Variants in TGFA observed in about 807,000 individuals in gnomAD.
TGFA encodes the protein transforming growth factor alpha, also known as protransforming growth factor alpha.
A neutral mutation model predicts 21.7 loss-of-function variants in TGFA; 12 were observed. The observed-to-expected ratio is 0.55, with a 90% CI of 0.35 to 0.90. The LOEUF is 0.90. Ranked by LOEUF, TGFA falls within the 40% of genes least tolerant of loss-of-function variation. TGFA has a pLI of 0.01. For missense variants in TGFA, 178 were observed against 210.8 expected (o/e 0.84, Z 0.96); for synonymous variants, 79 against 88.1 (o/e 0.90, Z 0.58).
At chr2:70,479,183 G>T (rs953313620) in intron 2 of TGFA, among the ~76,000 whole-genome samples, 87 of 152,226 alleles carry the variant, frequency 5.7e-4, no homozygotes, top group African/African-American at 2.0e-3. Context: ...TTTTTATCTT[G>T]ATATAGCTGT....
chr2:70,454,091 G>C (rs1371427039), intron 4 of TGFA, among the ~76,000 whole-genome samples: 1 of 152,046 alleles, frequency 6.6e-6, no homozygotes, highest in Non-Finnish European at 1.5e-5. Context: ...ATTTCCCTTG[G>C]GCTATCGTGG....
In TGFA at chr2:70,465,617, C is replaced by T. The variant is rs1553492054; in HGVS notation, c.214G>A (p.Val72Ile). ...TCCAGGAGAACAGGGGATACTTACA[C>T]ACATGCTGGCTTGTCCTCCTGCACC... ...FLVQEDKPAC[V>I]CHSGYVGARC... The change falls in exon 3 of 6, where the codon GTC (valine) becomes ATC (isoleucine). Residue 72 changes from valine (V) to isoleucine (I), a missense_variant and splice_region_variant. By Grantham distance (29) the Val-to-Ile change is conservative. Transcript: ENST00000295400. 9.3e-6 allele frequency: 15 copies of T among 1,614,038 alleles called. No homozygotes were observed. The highest frequency in any genetic ancestry group is 1.3e-5 in the Non-Finnish European group (15 of 1,180,010).
chr2:70,512,627 G>C (rs942746623), intron 2 of TGFA, among the ~76,000 whole-genome samples: 1 of 152,228 alleles, frequency 6.6e-6, no homozygotes, highest in African/African-American at 2.4e-5. Flanking sequence ...ACTGCAAAAA[G>C]AATAGTCCCC....
chr2:70,527,982 G>T (rs1672690683), intron 1 of TGFA, among the ~76,000 whole-genome samples: 1 of 152,210 alleles, frequency 6.6e-6, no homozygotes, highest in African/African-American at 2.4e-5. Context: ...TGGATGAGCA[G>T]CCTTGTACGG....
At chr2:70,519,861 C>T (rs76164997) in intron 1 of TGFA, among the ~76,000 whole-genome samples, 1,612 of 152,338 alleles carry the variant, frequency 0.011, 27 homozygotes, top group African/African-American at 0.037. Flanking sequence ...AACCCCCTAC[C>T]ACTTTCTAGC....
In TGFA at chr2:70,553,800, CTCCTGCCCTA is replaced by C; in HGVS notation, c.-43_-34del. 1.6e-6 allele frequency: 2 copies of C among 1,259,638 alleles called. No homozygotes were observed. The highest frequency in any genetic ancestry group is 2.0e-6 in the Non-Finnish European group (2 of 995,594). 78.0% of individuals were successfully genotyped at this position (1,259,638 alleles called of 1,614,324 possible). ...GCGGGCGGGCAGCAGGCTCTCCAGCCTCCTGCCCTACCTGCGGTGCCCGAGTGGCGGAGCG... is the reference window on the plus strand; with the variant it reads ...GCGGGCGGGCAGCAGGCTCTCCAGCCCCTGCGGTGCCCGAGTGGCGGAGCG... On this transcript the variant is annotated 5_prime_UTR_variant, in exon 1 of 6. Coordinates refer to ENST00000295400, the MANE Select transcript of TGFA (RefSeq NM_003236.4).
Position 70,535,712 on chromosome 2 carries a change from T to G in TGFA, c.40+18016A>C, listed in dbSNP as rs11466203. ...TCCAATTTAGTTGAAAGGACTGTTT[T>G]GTTTGTTTTTCCCTCTGTTGCACCG... On this transcript the variant is annotated intron_variant, in intron 1 of 5. Transcript: ENST00000295400. Among the ~76,000 whole-genome samples, 228 of 152,350 alleles carry G rather than the reference T, an allele frequency of 1.5e-3. 1 individual carries two copies. Among genetic ancestry groups the G allele is most frequent in the African/African-American group, 5.2e-3 (216 of 41,578 alleles).
chr2:70,462,638 G>T (rs1168291221), intron 3 of TGFA, among the ~76,000 whole-genome samples: 2 of 152,158 alleles, frequency 1.3e-5, no homozygotes, highest in African/African-American at 4.8e-5. Context: ...CTGGATGTCT[G>T]CATGGAAATG....
At chr2:70,499,768 C>T (rs1317790814) in intron 2 of TGFA, among the ~76,000 whole-genome samples, 2 of 152,150 alleles carry the variant, frequency 1.3e-5, no homozygotes, top group Non-Finnish European at 2.9e-5. Flanking sequence ...AAGCACTCAA[C>T]AGCTGGCTGC....
chr2:70,520,054 A>T (rs782512332), intron 1 of TGFA, among the ~76,000 whole-genome samples: 2 of 152,222 alleles, frequency 1.3e-5, no homozygotes, highest in Non-Finnish European at 1.5e-5. Context: ...AAACAAAATG[A>T]AATAGAGTAC....
chr2:70,515,031 G>A, intron 1 of TGFA, 119 bp from the exon 2 acceptor site: 1 of 820,592 alleles, frequency 1.2e-6, no homozygotes, highest in Non-Finnish European at 2.0e-6. Context: ...AGAGTGGCCG[G>A]TAGACAGGCT....
chr2:70,481,320 A>C (rs1188747858), intron 2 of TGFA, among the ~76,000 whole-genome samples: 1 of 152,160 alleles, frequency 6.6e-6, no homozygotes, highest in Non-Finnish European at 1.5e-5. Flanking sequence ...TACTGCCCCA[A>C]ATAGAATGAG....
intron 2 of TGFA, among the ~76,000 whole-genome samples, chr2:70,496,672 T>C (rs561110303): frequency 3.2e-4 from 48 of 152,190 alleles, no homozygotes; most frequent in Non-Finnish European, 6.5e-4. Context: ...AAATGGGTGA[T>C]ATAAAGCACT....
At chr2:70,491,759 G>A (rs1671444882) in intron 2 of TGFA, among the ~76,000 whole-genome samples, 2 of 152,054 alleles carry the variant, frequency 1.3e-5, no homozygotes, top group Admixed American at 6.5e-5. Flanking sequence ...GGCCCCCTAA[G>A]GAAAGGCTCA....
At chr2:70,511,543 A>T (rs1672100065) in intron 2 of TGFA, among the ~76,000 whole-genome samples, 1 of 152,240 alleles carries the variant, frequency 6.6e-6, no homozygotes, top group Non-Finnish European at 1.5e-5. Flanking sequence ...AAGTAGCACA[A>T]AATTAAATAC....
Position 70,528,953 on chromosome 2 carries a change from C to T in TGFA, c.41-14041G>A, listed in dbSNP as rs193285341. 3.3e-5 allele frequency among the ~76,000 whole-genome samples: 5 copies of T among 152,314 alleles called. No individual in the cohort carries two copies. In the East Asian group the frequency reaches 9.7e-4, roughly 29 times the overall value. The stretch of plus-strand genomic sequence containing the variant: ...TTCAGGAGAGAAAGGTACAAGAGAG[C>T]ACTGGGTGGGACGAGGGGGGCTTTT... On this transcript the variant is annotated intron_variant, in intron 1 of 5. Transcript: ENST00000295400.
In TGFA at chr2:70,553,232, T is replaced by C. The variant is rs782015219; in HGVS notation, c.40+496A>G. ...AAGAGATCGAGGGCGCCTCTGCCGA[T>C]CTTGAACATCTCTGCTCGTCGCTGG... On this transcript the variant is annotated intron_variant, in intron 1 of 5. Coordinates refer to ENST00000295400, the MANE Select transcript of TGFA (RefSeq NM_003236.4). The C allele has an allele frequency of 2.6e-6, 4 of 1,536,142 alleles. No individual in the cohort carries two copies. The South Asian group carries it at 4.8e-5, about 18-fold the overall frequency.
At chr2:70,511,755 G>GA in intron 2 of TGFA, among the ~76,000 whole-genome samples, 1 of 152,280 alleles carries the variant, frequency 6.6e-6, no homozygotes, top group Middle Eastern at 3.4e-3. Context: ...ATAGATCAAA[G>GA]AAAAATGACA....
At chr2:70,461,339 C>T (rs1670400573) in intron 3 of TGFA, among the ~76,000 whole-genome samples, 1 of 152,172 alleles carries the variant, frequency 6.6e-6, no homozygotes, top group African/African-American at 2.4e-5. Context: ...TAAGGGGGCT[C>T]GAGTACCAAC....
Sources: gnomAD v4.1 joint callset for allele counts (sites outside exome capture counted in the v4.1 genomes callset) on GRCh38, gnomAD v4.1.1 for gene constraint, MANE v1.5 for transcripts, NCBI Gene and HGNC (gene_info 2026-07-23, HGNC 2026-07-21) for gene names.